Variants in SAMD12 observed in about 807,000 individuals in gnomAD.
SAMD12 encodes sterile alpha motif domain-containing protein 12.
Under a neutral mutation model 15.0 loss-of-function variants are expected in SAMD12, and 9 were observed. The ratio of observed to expected loss-of-function variants is 0.60; its 90% confidence interval spans 0.36 to 1.05. The LOEUF is 1.05. Among genes scored for constraint, SAMD12 ranks in the 50% least tolerant of loss-of-function variants. The pLI, the probability that SAMD12 is intolerant of heterozygous loss-of-function variation, is 0.01. For synonymous variants in SAMD12, 86 were observed against 90.1 expected, an observed-to-expected ratio of 0.96 and a Z score of 0.25; for missense variants, 230 against 234.2, an observed-to-expected ratio of 0.98 and a Z score of 0.12.
the SAMD12 span, among the ~76,000 whole-genome samples, chr8:118,140,266 A>G: frequency 1.4e-4 from 21 of 151,312 alleles, no homozygotes; most frequent in Admixed American, 1.4e-3. Flanking sequence ...AAAACCAGGG[A>G]ATTTGTCTTT....
chr8:118,254,635 T>C (rs1178689178), intron 4 of SAMD12, among the ~76,000 whole-genome samples: 1 of 152,070 alleles, frequency 6.6e-6, no homozygotes, highest in African/African-American at 2.4e-5. Context: ...AAATGAGTCA[T>C]GAGAGTCCCT....
At chr8:118,305,894 G>C (rs1282747151) in intron 4 of SAMD12, among the ~76,000 whole-genome samples, 6 of 152,142 alleles carry the variant, frequency 3.9e-5, no homozygotes, top group Non-Finnish European at 8.8e-5. Flanking sequence ...AGGGACAGAA[G>C]AGGGAATATC....
chr8:118,230,315 T>C lies in SAMD12; in HGVS notation c.434-32583A>G, dbSNP rs951432683. Among the ~76,000 whole-genome samples the C allele has an allele frequency of 2.6e-5, 4 of 151,676 alleles. No individual in the cohort carries two copies. In the East Asian group the frequency reaches 7.8e-4, roughly 29 times the overall value. ...CCCAAGGTGTAGAGCTAATCAGATA[T>C]TGAAGCGGGATTCTATCCCAGACAG... On this transcript the variant is annotated intron_variant, in intron 4 of 4. Coordinates refer to the SAMD12 transcript ENST00000409003.
At chr8:118,269,934 A>T (rs566127414) in intron 4 of SAMD12, among the ~76,000 whole-genome samples, 1 of 152,308 alleles carries the variant, frequency 6.6e-6, no homozygotes, top group Admixed American at 6.5e-5. Context: ...CTATAGTCAT[A>T]TCTCATCTGT....
At chr8:118,313,144 T>A (rs73321972) in intron 4 of SAMD12, among the ~76,000 whole-genome samples, 10,801 of 152,138 alleles carry the variant, frequency 0.071, 1,169 homozygotes, top group African/African-American at 0.23. Context: ...CTGTCACATA[T>A]CTGCTGTGGG....
intron 2 of SAMD12, among the ~76,000 whole-genome samples, chr8:118,531,970 T>C (rs1001743866): frequency 2.0e-5 from 3 of 152,196 alleles, no homozygotes; most frequent in South Asian, 2.1e-4. Flanking sequence ...CTATGTTGAA[T>C]AGGAATGGCG....
chr8:118,421,086 C>T (rs1028132055), intron 3 of SAMD12, among the ~76,000 whole-genome samples: 1 of 152,170 alleles, frequency 6.6e-6, no homozygotes, highest in African/African-American at 2.4e-5. Context: ...ATGGTCTTAC[C>T]TATTTTACCT....
At chr8:118,132,425 G>A in the SAMD12 span, among the ~76,000 whole-genome samples, 1 of 152,064 alleles carries the variant, frequency 6.6e-6, no homozygotes, top group Admixed American at 6.6e-5. Context: ...TTCTTCCTTA[G>A]TGTGAGTCTT....
At chr8:118,266,040 T>G (rs1813191100) in intron 4 of SAMD12, among the ~76,000 whole-genome samples, 1 of 152,118 alleles carries the variant, frequency 6.6e-6, no homozygotes. Flanking sequence ...TGAGGAGGCC[T>G]CAGGGAACTT....
At chr8:118,152,104 G>C in the SAMD12 span, among the ~76,000 whole-genome samples, 1 of 152,224 alleles carries the variant, frequency 6.6e-6, no homozygotes, top group African/African-American at 2.4e-5. Context: ...AGTAGAAAAG[G>C]GTTCAGAAAA....
intron 4 of SAMD12, among the ~76,000 whole-genome samples, chr8:118,263,427 T>C (rs1192968513): frequency 6.6e-6 from 1 of 151,994 alleles, no homozygotes; most frequent in African/African-American, 2.4e-5. Flanking sequence ...TATTGGGAAA[T>C]GTGAAACTCT....
chr8:118,621,058 A>T (rs917891766), intron 1 of SAMD12: 1 of 152,250 alleles, frequency 6.6e-6, no homozygotes, highest in Non-Finnish European at 1.5e-5. Context: ...CCTCACGAAC[A>T]GCCTGACCCT....
the SAMD12 span, among the ~76,000 whole-genome samples, chr8:118,136,778 A>C: frequency 1.3e-5 from 2 of 152,242 alleles, no homozygotes; most frequent in Non-Finnish European, 2.9e-5. Context: ...TGCTGTAAGA[A>C]AATGGCAGAA....
chr8:118,399,252 G>C (rs1398373484), intron 3 of SAMD12, among the ~76,000 whole-genome samples: 1 of 151,058 alleles, frequency 6.6e-6, no homozygotes, highest in Non-Finnish European at 1.5e-5. Context: ...GAATGAAAAA[G>C]TGTGAAAGAC....
In SAMD12 at chr8:118,465,686, G is replaced by GT. The variant is rs534768520; in HGVS notation, c.193-25726dup. 3.8e-4 allele frequency among the ~76,000 whole-genome samples: 58 copies of GT among 151,708 alleles called. 1 individual carries two copies. The highest frequency in any genetic ancestry group is 7.7e-4 in the African/African-American group (32 of 41,386). ...CAGTTATTTTATGTTAAATGGAATA[G>GT]TTTTTTTTTAAATTATGGCAAACAA... On this transcript the variant is annotated intron_variant, in intron 2 of 3. Transcript: ENST00000314727.
chr8:118,500,677 G>T lies in SAMD12; in HGVS notation c.193-60716C>A, dbSNP rs181683461. Among the ~76,000 whole-genome samples the T allele has an allele frequency of 3.3e-5, 5 of 152,126 alleles. No individual in the cohort carries two copies. In the East Asian group the frequency reaches 9.8e-4, roughly 30 times the overall value. On this transcript the variant is annotated intron_variant, in intron 2 of 3. Transcript: ENST00000314727. Reference sequence around the variant, plus strand: ...AAAAATTAGCTGGGCGTGGTGGCAGGTGCCTGTAGTCCCAGCTTCTCAGGA... The same window carrying T: ...AAAAATTAGCTGGGCGTGGTGGCAGTTGCCTGTAGTCCCAGCTTCTCAGGA...
chr8:118,150,027 C>G, the SAMD12 span, among the ~76,000 whole-genome samples: 1 of 152,142 alleles, frequency 6.6e-6, no homozygotes, highest in Non-Finnish European at 1.5e-5. Context: ...CTTCCCATCA[C>G]CAGGGGATAT....
At chr8:118,257,826 T>C (rs1490625449) in intron 4 of SAMD12, among the ~76,000 whole-genome samples, 1 of 152,112 alleles carries the variant, frequency 6.6e-6, no homozygotes, top group African/African-American at 2.4e-5. Context: ...GCAAATCAAA[T>C]GCTGTTCTTC....
Position 118,621,851 on chromosome 8 carries a change from C to G in SAMD12, c.-35G>C. ...GCTTCCCTAACGCATGCATAATTTT[C>G]TTGGCCGAGGTACTCCTCCTGCCCC... On this transcript the variant is annotated 5_prime_UTR_variant, in exon 1 of 4. Transcript: ENST00000314727. 6.2e-7 allele frequency: 1 copy of G among 1,613,440 alleles called. No individual in the cohort carries two copies. Among genetic ancestry groups the G allele is most frequent in the Middle Eastern group, 1.7e-4 (1 of 6,060 alleles).
Sources: allele counts gnomAD v4.1 joint callset (sites outside exome capture counted in the v4.1 genomes callset), GRCh38; gene constraint gnomAD v4.1.1; transcripts MANE v1.5; gene names NCBI Gene and HGNC (gene_info 2026-07-23, HGNC 2026-07-21).